Variants in SOX5 observed in about 807,000 individuals in gnomAD.
The protein encoded by SOX5 is transcription factor SOX-5.
In SOX5, 9 loss-of-function variants were observed where a neutral mutation model predicts 92.0. The ratio of observed to expected loss-of-function variants is 0.10; its 90% confidence interval spans 0.06 to 0.17. The LOEUF (loss-of-function observed/expected upper bound fraction) is 0.17. Among genes scored for constraint, SOX5 ranks in the 10% least tolerant of loss-of-function variants. The pLI is 1.00. For synonymous variants in SOX5, 344 were observed against 336.3 expected (o/e 1.02, Z -0.25); for missense variants, 642 against 944.5 (o/e 0.68, Z 4.20).
intron 6 of SOX5, among the ~76,000 whole-genome samples, chr12:23,726,179 A>G (rs1189396693): frequency 1.8e-5 from 2 of 109,288 alleles, no homozygotes; most frequent in Admixed American, 9.1e-5. Flanking sequence ...GAGAGAGGTC[A>G]GTTTCTCACT....
upstream of SOX5, among the ~76,000 whole-genome samples, chr12:23,955,717 G>A (rs558744751): frequency 1.4e-3 from 215 of 151,722 alleles, 2 homozygotes; most frequent in Middle Eastern, 6.8e-3. Flanking sequence ...AATCACCCTC[G>A]TGGTAAAAAT....
Position 24,424,931 on chromosome 12 carries a change from C to T in SOX5, c.-250-56292G>A, listed in dbSNP as rs545481805. ...CATCTGCCTGCCATAGGTTTACCTGCCATAGGCTTTTACAGTTTCAATTAC... is the reference window on the plus strand; with the variant it reads ...CATCTGCCTGCCATAGGTTTACCTGTCATAGGCTTTTACAGTTTCAATTAC... On this transcript the variant is annotated intron_variant, in intron 1 of 4. Transcript: ENST00000446891. Among the ~76,000 whole-genome samples, 6 of 151,952 alleles carry T rather than the reference C, an allele frequency of 3.9e-5. No homozygotes were observed. The South Asian group carries it at 1.3e-3, about 32-fold the overall frequency.
chr12:24,255,233 A>G (rs1174949843), intron 3 of SOX5, among the ~76,000 whole-genome samples: 1 of 152,188 alleles, frequency 6.6e-6, no homozygotes, highest in African/African-American at 2.4e-5. Flanking sequence ...TGCTGTCTAC[A>G]TAAAAAGAGT....
intron 3 of SOX5, among the ~76,000 whole-genome samples, chr12:24,224,833 G>A (rs1961504175): frequency 6.6e-6 from 1 of 152,060 alleles, no homozygotes; most frequent in South Asian, 2.1e-4. Flanking sequence ...TTAATATTGT[G>A]ATCATTGATT....
chr12:23,944,923 C>T (rs972627409), intron 1 of SOX5, among the ~76,000 whole-genome samples: 14 of 151,982 alleles, frequency 9.2e-5, no homozygotes, highest in Admixed American at 6.6e-5. Context: ...AGTTTCTTTC[C>T]CAGGCTGTTG....
chr12:24,224,851 T>G (rs954849335), intron 3 of SOX5, among the ~76,000 whole-genome samples: 1 of 152,200 alleles, frequency 6.6e-6, no homozygotes, highest in Admixed American at 6.5e-5. Flanking sequence ...ATTTATCTCA[T>G]AACTAAAACC....
rs556480999 is a variant in SOX5, at chr12:23,766,848, T to C, written c.482-11124A>G. Among the ~76,000 whole-genome samples, 15 of 152,230 alleles carry C rather than the reference T, an allele frequency of 9.9e-5. 1 individual carries two copies. Among genetic ancestry groups the C allele is most frequent in the Admixed American group, 9.8e-4 (15 of 15,280 alleles). On this transcript the variant is annotated intron_variant, in intron 3 of 14. Transcript: ENST00000451604. ...ATAATATTGTATATAATTTATTATA[T>C]CGGGGAAAATGAAGAAAATTATTTA...
intron 1 of SOX5, among the ~76,000 whole-genome samples, chr12:24,543,170 A>C (rs919709881): frequency 2.6e-5 from 4 of 152,232 alleles, no homozygotes; most frequent in Non-Finnish European, 5.9e-5. Flanking sequence ...AGGAGAGAGC[A>C]TCTCTCTAGT....
chr12:23,824,284 T>C (rs1295778477), intron 3 of SOX5, among the ~76,000 whole-genome samples: 1 of 152,194 alleles, frequency 6.6e-6, no homozygotes, highest in Admixed American at 6.5e-5. Flanking sequence ...ATGTTGGTGA[T>C]CTTCAGATGG....
intron 3 of SOX5, chr12:23,762,425 A>G (rs2094586648): frequency 5.1e-6 from 2 of 389,810 alleles, no homozygotes; most frequent in Non-Finnish European, 9.1e-6. Flanking sequence ...AATTCGTAAT[A>G]TAACACATAC....
intron 8 of SOX5, among the ~76,000 whole-genome samples, chr12:23,606,681 T>C (rs1016396087): frequency 1.3e-5 from 2 of 151,994 alleles, no homozygotes; most frequent in Admixed American, 6.6e-5. Context: ...AAAATACAAG[T>C]ATAAAAACTC....
chr12:23,582,794 A>G (rs925982674), intron 9 of SOX5, among the ~76,000 whole-genome samples: 18 of 152,068 alleles, frequency 1.2e-4, no homozygotes, highest in African/African-American at 4.1e-4. Context: ...GCTTCTTTTA[A>G]AAGTAGATGC....
At chr12:24,171,427 G>A (rs1489948494) in intron 4 of SOX5, among the ~76,000 whole-genome samples, 1 of 151,870 alleles carries the variant, frequency 6.6e-6, no homozygotes, top group Middle Eastern at 3.4e-3. Context: ...GTTTCACCAT[G>A]TTAGCCAGGA....
intron 1 of SOX5, among the ~76,000 whole-genome samples, chr12:24,508,930 G>T (rs565392714): frequency 3.3e-5 from 5 of 152,078 alleles, no homozygotes; most frequent in Non-Finnish European, 5.9e-5. Flanking sequence ...AAAGAATGAG[G>T]TGTCAACAGT....
At chr12:24,151,597 G>A (rs1246826671) in intron 4 of SOX5, among the ~76,000 whole-genome samples, 1 of 152,032 alleles carries the variant, frequency 6.6e-6, no homozygotes, top group Non-Finnish European at 1.5e-5. Flanking sequence ...TGTTTTTTAA[G>A]AAATCTTGAT....
rs181979747 is a variant in SOX5 at position 23,786,669 on chromosome 12, C to G, written c.482-30945G>C. On this transcript the variant is annotated intron_variant, in intron 3 of 14. Transcript: ENST00000451604. ...TTGTAACAATAGCGTAGGTATGCAA[C>G]TATAACATCAAAGTATGACAAATCC... 1.8e-5 allele frequency among the ~76,000 whole-genome samples: 2 copies of G among 111,944 alleles called. 1 individual carries two copies. Among genetic ancestry groups the G allele is most frequent in the East Asian group, 4.6e-4 (2 of 4,312 alleles). 73.4% of individuals were successfully genotyped at this position (111,944 alleles called of 152,430 possible).
chr12:23,888,862 G>T (rs79220173), intron 2 of SOX5, among the ~76,000 whole-genome samples: 1 of 152,040 alleles, frequency 6.6e-6, no homozygotes, highest in African/African-American at 2.4e-5. Context: ...ACAAATACTC[G>T]CTTGTCAGCA....
chr12:24,088,767 T>C (rs534262262), intron 4 of SOX5, among the ~76,000 whole-genome samples: 5 of 152,132 alleles, frequency 3.3e-5, no homozygotes, highest in South Asian at 4.1e-4. Context: ...ATTCAACACA[T>C]TTGAGGAACA....
intron 1 of SOX5, among the ~76,000 whole-genome samples, chr12:23,901,625 C>G (rs7136659): frequency 6.6e-6 from 1 of 151,930 alleles, no homozygotes; most frequent in Non-Finnish European, 1.5e-5. Flanking sequence ...TTAGTCCTTA[C>G]GCCATTTTGT....
Sources: gnomAD v4.1 joint callset for allele counts (sites outside exome capture counted in the v4.1 genomes callset) on GRCh38, gnomAD v4.1.1 for gene constraint, MANE v1.5 for transcripts, NCBI Gene and HGNC (gene_info 2026-07-23, HGNC 2026-07-21) for gene names.